MCM5: variants seen among roughly 807,000 people sequenced by gnomAD.
The protein encoded by MCM5 is DNA replication licensing factor MCM5.
In MCM5, 46 loss-of-function variants were observed where a neutral mutation model predicts 79.9. The ratio of observed to expected loss-of-function variants is 0.58; its 90% CI spans 0.45 to 0.74. The LOEUF (loss-of-function observed/expected upper bound fraction) is 0.74, where lower values mean the gene tolerates loss of function less well. Among genes scored for constraint, MCM5 ranks in the 30% least tolerant of loss-of-function variants. The pLI, the probability that MCM5 is intolerant of heterozygous loss-of-function variation, is 0.00. For missense variants in MCM5, 883 were observed against 1,017.0 expected, an observed-to-expected ratio of 0.87 and a Z score of 1.79; for synonymous variants, 404 against 390.5, an observed-to-expected ratio of 1.03 and a Z score of -0.41.
chr22:35,430,591 C>G, the MCM5 span, among the ~76,000 whole-genome samples: 5,633 of 151,798 alleles, frequency 0.037, 302 homozygotes, highest in African/African-American at 0.11. Context: ...CAACCTCCGC[C>G]TGCCAGTTTC....
At chr22:35,410,326 A>C (rs958601590) in intron 6 of MCM5, 2 of 193,932 alleles carry the variant, frequency 1.0e-5, no homozygotes, top group Admixed American at 5.4e-5. Context: ...CCCCTCAAGG[A>C]GGCTGGGGGG....
At chr22:35,445,443 C>T in the MCM5 span, among the ~76,000 whole-genome samples, 1 of 146,566 alleles carries the variant, frequency 6.8e-6, no homozygotes, top group African/African-American at 2.5e-5. Context: ...ATTCTCCTGT[C>T]TCAGCCTCCT....
intron 6 of MCM5, 52 bp from the exon 7 acceptor site, chr22:35,410,691 CT>C (rs1932355652): frequency 6.5e-7 from 1 of 1,530,102 alleles, no homozygotes; most frequent in Admixed American, 1.7e-5. Flanking sequence ...CAGAGACTTG[CT>C]GTCCAAGTCA....
At chr22:35,414,131 G>A (rs1002415878) in intron 9 of MCM5, 145 bp downstream of exon 9, 24 of 615,950 alleles carry the variant, frequency 3.9e-5, no homozygotes, top group Non-Finnish European at 5.9e-5. Context: ...CAGGATGGCC[G>A]AGGAGATGGG....
chr22:35,439,826 C>G, the MCM5 span, among the ~76,000 whole-genome samples: 11 of 152,340 alleles, frequency 7.2e-5, no homozygotes, highest in East Asian at 2.1e-3. Flanking sequence ...TAATACTTTG[C>G]AAGACTGTTG....
intron 2 of MCM5, among the ~76,000 whole-genome samples, 183 bp from the exon 3 acceptor site, chr22:35,403,024 A>T (rs879554488): frequency 6.6e-6 from 1 of 152,172 alleles, no homozygotes; most frequent in Non-Finnish European, 1.5e-5. Context: ...GCCAGCAGTG[A>T]GTAGCCTCTG....
rs1290418300 is a variant in MCM5 at position 35,403,408 on chromosome 22, C to A, written c.295-6C>A. The A allele has an allele frequency of 6.2e-7, 1 of 1,614,218 alleles. No homozygotes were observed. ...ACTAATAGCCTGTGCCCTTCCCTTT[C>A]TCCAGCTGGAGGAAGCTGCCAAGGA... is the stretch of plus-strand genomic sequence containing the variant. On this transcript the variant is annotated splice_polypyrimidine_tract_variant and splice_region_variant and intron_variant, in intron 3 of 16. Transcript: ENST00000216122.
At chr22:35,438,476 T>TCCATCC in the MCM5 span, among the ~76,000 whole-genome samples, 12 of 107,608 alleles carry the variant, frequency 1.1e-4, no homozygotes, top group South Asian at 3.7e-4. Flanking sequence ...TCCATCCACA[T>TCCATCC]ATCCATCCAT....
At chr22:35,401,511 G>A (rs1473087878) in intron 2 of MCM5, 1 of 467,724 alleles carries the variant, frequency 2.1e-6, no homozygotes, top group South Asian at 1.6e-5. Flanking sequence ...CATAGGCCCG[G>A]CCTCTATCCC....
rs749550799 is a variant in MCM5 at position 35,416,757 on chromosome 22, G to A, written c.1533G>A (p.Leu511=). 7.4e-6 allele frequency: 12 copies of A among 1,614,006 alleles called. No homozygotes were observed. In the African/African-American group the frequency reaches 1.6e-4, roughly 22 times the overall value. ...EDNIDFMPTI[L]SRFDMIFIVK... ...ACATTGACTTCATGCCCACCATCTT[G>A]TCGCGCTTCGACATGATCTTCATCG... is the stretch of plus-strand genomic sequence containing the variant. Residue 511 remains leucine (L), a synonymous_variant, in exon 12 of 17, where the codon TTG becomes TTA. Coordinates refer to ENST00000216122, the MANE Select transcript of MCM5 (RefSeq NM_006739.4).
intron 1 of MCM5, 56 bp from the exon 2 acceptor site, chr22:35,400,375 G>A: frequency 6.2e-7 from 1 of 1,600,878 alleles, no homozygotes; most frequent in South Asian, 1.1e-5. Flanking sequence ...GCGTCGGAGG[G>A]GAGGAGGTGC....
chr22:35,452,788 A>C, the MCM5 span, among the ~76,000 whole-genome samples: 1 of 152,124 alleles, frequency 6.6e-6, no homozygotes, highest in African/African-American at 2.4e-5. Flanking sequence ...TTTTCAAGAT[A>C]GTTCTGCCAC....
intron 7 of MCM5, chr22:35,411,531 G>A (rs1223795199): frequency 6.6e-6 from 1 of 152,576 alleles, no homozygotes; most frequent in Non-Finnish European, 1.5e-5. Context: ...TGGGAGTCTA[G>A]GGGATGAGGG....
Position 35,415,812 on chromosome 22 carries a change from C to A in MCM5, c.1204-17C>A. 1 of 1,606,310 alleles carries A rather than the reference C, an allele frequency of 6.2e-7. No homozygotes were observed. Among genetic ancestry groups the A allele is most frequent in the South Asian group, 1.1e-5 (1 of 90,894 alleles). ...ATGGAGTTGTTATTGGGCCCTGACA[C>A]CACCCCACTGCCCCAGGTATACACG... On this transcript the variant is annotated splice_polypyrimidine_tract_variant and intron_variant, in intron 9 of 16. Coordinates refer to ENST00000216122, the MANE Select transcript of MCM5 (RefSeq NM_006739.4).
chr22:35,453,538 GAT>G, the MCM5 span, among the ~76,000 whole-genome samples: 1 of 148,640 alleles, frequency 6.7e-6, no homozygotes, highest in Non-Finnish European at 1.5e-5. Context: ...AAGGGGCAGA[GAT>G]AGAGACAAGG....
downstream of MCM5, among the ~76,000 whole-genome samples, chr22:35,428,013 C>T (rs1393328132): frequency 7.5e-6 from 1 of 134,216 alleles, no homozygotes; most frequent in African/African-American, 3.2e-5. Flanking sequence ...CCATCGCTCT[C>T]TCTCTCTCTT....
chr22:35,432,742 A>G, the MCM5 span, among the ~76,000 whole-genome samples: 2 of 151,084 alleles, frequency 1.3e-5, no homozygotes, highest in African/African-American at 2.4e-5. Flanking sequence ...GAGAGGCTGG[A>G]GGAGAGTGGA....
In MCM5 at chr22:35,401,378, C is replaced by T. The variant is rs890426075; in HGVS notation, c.167+773C>T. 4 of 471,326 alleles carry T rather than the reference C, an allele frequency of 8.5e-6. No homozygotes were observed. In the East Asian group the frequency reaches 2.8e-4, roughly 33 times the overall value. The allele number at this position is 471,326 out of a possible 1,614,324, so 29.2% of individuals were successfully genotyped here. A position where few individuals can be genotyped will look rare whatever the true frequency, so the allele number is the denominator to read the frequency against. Reference sequence around the variant, plus strand: ...TTCATTTATTTATACCAGTCTTGCACCTTCATTGATTGAGCACCTGCTGCC... The same window carrying T: ...TTCATTTATTTATACCAGTCTTGCATCTTCATTGATTGAGCACCTGCTGCC... On this transcript the variant is annotated intron_variant, in intron 2 of 16. Coordinates refer to ENST00000216122, the MANE Select transcript of MCM5 (RefSeq NM_006739.4).
At chr22:35,401,834 T>C in intron 2 of MCM5, 1 of 390,828 alleles carries the variant, frequency 2.6e-6, no homozygotes, top group Non-Finnish European at 5.1e-6. Context: ...CTTAGGGAAG[T>C]TTTCCGGGGG....
Sources: gnomAD v4.1 joint callset for allele counts (sites outside exome capture counted in the v4.1 genomes callset) on GRCh38, gnomAD v4.1.1 for gene constraint, MANE v1.5 for transcripts, NCBI Gene and HGNC (gene_info 2026-07-23, HGNC 2026-07-21) for gene names.